The following HYCC1 variants were observed in gnomAD, a reference collection of about 807,000 sequenced individuals.
HYCC1 encodes hyccin PI4KA lipid kinase complex subunit 1.
the HYCC1 span, among the ~76,000 whole-genome samples, chr7:22,929,843 T>C: frequency 2.0e-5 from 3 of 152,192 alleles, no homozygotes; most frequent in African/African-American, 7.2e-5. Context: ...CATTACTGGG[T>C]ATATACCCAA....
At chr7:22,929,013 A>G in the HYCC1 span, among the ~76,000 whole-genome samples, 1 of 152,194 alleles carries the variant, frequency 6.6e-6, no homozygotes, top group Non-Finnish European at 1.5e-5. Context: ...ATGGAACAGA[A>G]CAGAGCCCTC....
the HYCC1 span, among the ~76,000 whole-genome samples, chr7:22,903,992 C>T: frequency 6.6e-6 from 1 of 151,878 alleles, no homozygotes; most frequent in South Asian, 2.1e-4. Flanking sequence ...TTATTTTTAC[C>T]TAGAAGTAGA....
chr7:22,941,273 T>C, the HYCC1 span: 1 of 151,540 alleles, frequency 6.6e-6, no homozygotes, highest in South Asian at 2.1e-4. Context: ...TTTTTCAGTT[T>C]TTATTTCAAT....
At chr7:22,929,212 A>G in the HYCC1 span, among the ~76,000 whole-genome samples, 1 of 152,262 alleles carries the variant, frequency 6.6e-6, no homozygotes, top group Non-Finnish European at 1.5e-5. Context: ...AAAGACTTAC[A>G]TGTTAGACCT....
At chr7:22,984,757 A>C in the HYCC1 span, among the ~76,000 whole-genome samples, 1 of 152,222 alleles carries the variant, frequency 6.6e-6, no homozygotes, top group African/African-American at 2.4e-5. Flanking sequence ...ACGGTTGAGC[A>C]TGAGAAGGCT....
the HYCC1 span, chr7:22,945,458 G>A: frequency 1.4e-6 from 1 of 727,150 alleles, no homozygotes; most frequent in African/African-American, 1.7e-5. Context: ...CATAAAGTCA[G>A]GGGAGCCTTC....
chr7:22,974,426 G>A, the HYCC1 span, among the ~76,000 whole-genome samples: 5 of 152,242 alleles, frequency 3.3e-5, no homozygotes, highest in East Asian at 5.8e-4. Context: ...TCAAAAGTCC[G>A]GACATTTCTG....
At chr7:22,989,287 C>T in the HYCC1 span, among the ~76,000 whole-genome samples, 5,347 of 24,124 alleles carry the variant, frequency 0.22, 136 homozygotes, top group Non-Finnish European at 0.3. Context: ...AAGCAGGAAA[C>T]ACACACACAC....
chr7:22,977,553 A>C, the HYCC1 span: 1 of 589,198 alleles, frequency 1.7e-6, no homozygotes, highest in Non-Finnish European at 3.0e-6. Flanking sequence ...TAAAACCTTA[A>C]ACCATGATAA....
At chr7:22,960,201 G>C in the HYCC1 span, 2 of 1,553,884 alleles carry the variant, frequency 1.3e-6, no homozygotes, top group Admixed American at 1.7e-5. Context: ...TAAGTACAGT[G>C]AAAAATGTAA....
chr7:22,972,877 T>C, the HYCC1 span, among the ~76,000 whole-genome samples: 3 of 152,134 alleles, frequency 2.0e-5, no homozygotes, highest in Admixed American at 2.0e-4. Context: ...TGTGTGAGCA[T>C]AGGTGGAGGG....
chr7:22,988,437 G>A, the HYCC1 span, among the ~76,000 whole-genome samples: 1 of 152,046 alleles, frequency 6.6e-6, no homozygotes, highest in Non-Finnish European at 1.5e-5. Flanking sequence ...CACATAATAT[G>A]TTATATTGAT....
At chr7:22,992,785 C>A in the HYCC1 span, among the ~76,000 whole-genome samples, 1 of 152,070 alleles carries the variant, frequency 6.6e-6, no homozygotes, top group Non-Finnish European at 1.5e-5. Flanking sequence ...TGGAACCACA[C>A]TACATCAAGT....
the HYCC1 span, among the ~76,000 whole-genome samples, chr7:22,933,534 C>G: frequency 6.6e-6 from 1 of 152,006 alleles, no homozygotes; most frequent in Non-Finnish European, 1.5e-5. Flanking sequence ...CACTTTGGAT[C>G]CTTTTATTTT....
the HYCC1 span, chr7:22,960,276 C>T: frequency 1.2e-6 from 2 of 1,613,784 alleles, no homozygotes; most frequent in Non-Finnish European, 1.7e-6. Flanking sequence ...CCACCTATGA[C>T]CCCTTATTGA....
chr7:22,959,224 C>T, the HYCC1 span, among the ~76,000 whole-genome samples: 2 of 152,114 alleles, frequency 1.3e-5, no homozygotes, highest in Non-Finnish European at 2.9e-5. Context: ...ACTAGGTAAG[C>T]TGGATAATCA....
the HYCC1 span, among the ~76,000 whole-genome samples, chr7:22,960,607 T>C: frequency 6.6e-6 from 1 of 152,176 alleles, no homozygotes; most frequent in African/African-American, 2.4e-5. Flanking sequence ...TAAAAAAATA[T>C]GTAAATGATA....
chr7:22,925,451 G>A, the HYCC1 span, among the ~76,000 whole-genome samples: 1 of 152,140 alleles, frequency 6.6e-6, no homozygotes, highest in Non-Finnish European at 1.5e-5. Flanking sequence ...TTAGACAAAT[G>A]GCTAACTAGA....
At chr7:22,978,089 T>A in the HYCC1 span, 3 of 625,864 alleles carry the variant, frequency 4.8e-6, 1 homozygote, top group African/African-American at 3.7e-5. Flanking sequence ...GTAAGTTACA[T>A]AATTACATGT....
Sources: gnomAD v4.1 joint callset for allele counts (sites outside exome capture counted in the v4.1 genomes callset) on GRCh38, gnomAD v4.1.1 for gene constraint, MANE v1.5 for transcripts, NCBI Gene and HGNC (gene_info 2026-07-23, HGNC 2026-07-21) for gene names.